EPHB1: variants seen among roughly 807,000 people sequenced by gnomAD.
The protein encoded by EPHB1 is ephrin type-B receptor 1.
Under a neutral mutation model 94.4 loss-of-function variants are expected in EPHB1, and 30 were observed. The observed-to-expected ratio is 0.32, with a 90% CI of 0.24 to 0.43. The LOEUF is 0.43. Among genes scored for constraint, EPHB1 ranks in the 20% least tolerant of loss-of-function variants. The pLI is 1.00. For missense variants in EPHB1, 1,055 were observed against 1,308.3 expected, an observed-to-expected ratio of 0.81 and a Z score of 2.99; for synonymous variants, 522 against 489.1, an observed-to-expected ratio of 1.07 and a Z score of -0.89.
At chr3:134,852,992 C>T (rs1325835872) in intron 1 of EPHB1, among the ~76,000 whole-genome samples, 1 of 152,130 alleles carries the variant, frequency 6.6e-6, no homozygotes, top group Non-Finnish European at 1.5e-5. Context: ...GGTGGGGTCA[C>T]TGCCAGCTCT....
At chr3:134,871,215 A>T (rs1030774978) in intron 1 of EPHB1, among the ~76,000 whole-genome samples, 5 of 152,236 alleles carry the variant, frequency 3.3e-5, no homozygotes, top group African/African-American at 1.2e-4. Context: ...TAATGATTAC[A>T]GCTCAGGACC....
At chr3:135,247,366 T>C (rs1433097595) in intron 13 of EPHB1, among the ~76,000 whole-genome samples, 4 of 152,226 alleles carry the variant, frequency 2.6e-5, no homozygotes, top group Non-Finnish European at 1.5e-5. Flanking sequence ...TCCATCTCAA[T>C]AGATGGATTT....
intron 3 of EPHB1, among the ~76,000 whole-genome samples, chr3:134,996,500 T>C (rs1280878380): frequency 6.6e-6 from 1 of 152,176 alleles, no homozygotes. Flanking sequence ...ATAGATAATA[T>C]TCTTAAGATA....
At chr3:135,248,188 G>A in intron 13 of EPHB1, 128 bp from the exon 14 acceptor site, 1 of 829,788 alleles carries the variant, frequency 1.2e-6, no homozygotes, top group African/African-American at 1.7e-5. Flanking sequence ...AGCGGAAGGT[G>A]TGCAAGCACA....
At chr3:134,962,724 C>T (rs1016278389) in intron 3 of EPHB1, among the ~76,000 whole-genome samples, 6 of 152,136 alleles carry the variant, frequency 3.9e-5, no homozygotes, top group Non-Finnish European at 5.9e-5. Context: ...TCTGGGGCCT[C>T]TAGCCTCAGC....
intron 1 of EPHB1, among the ~76,000 whole-genome samples, chr3:134,863,518 CA>C (rs1280360861): frequency 3.3e-5 from 5 of 152,092 alleles, no homozygotes; most frequent in African/African-American, 1.2e-4. Context: ...CCAACTGGAA[CA>C]AAAGAAGGAA....
intron 3 of EPHB1, among the ~76,000 whole-genome samples, chr3:135,090,499 CTTT>C (rs1312968298): frequency 6.6e-6 from 1 of 152,218 alleles, no homozygotes; most frequent in Non-Finnish European, 1.5e-5. Flanking sequence ...GGTTGTTTCA[CTTT>C]TTAAGAATTG....
intron 3 of EPHB1, among the ~76,000 whole-genome samples, chr3:134,986,779 C>T (rs1297732413): frequency 1.3e-5 from 2 of 151,448 alleles, no homozygotes; most frequent in Non-Finnish European, 2.9e-5. Context: ...TTTTCCATCA[C>T]TGGTGCATCA....
intron 1 of EPHB1, among the ~76,000 whole-genome samples, chr3:134,867,497 C>A (rs1487684075): frequency 3.3e-5 from 5 of 152,166 alleles, no homozygotes; most frequent in Non-Finnish European, 7.4e-5. Flanking sequence ...CAGTGAGCAG[C>A]CCAAGGGCCT....
chr3:134,940,552 G>A (rs939151750), intron 2 of EPHB1, among the ~76,000 whole-genome samples: 4 of 152,102 alleles, frequency 2.6e-5, no homozygotes, highest in Admixed American at 6.6e-5. Flanking sequence ...CTCAGCAATG[G>A]GCCAGGCACC....
At chr3:135,246,535 A>G (rs151013125) in intron 13 of EPHB1, among the ~76,000 whole-genome samples, 473 of 152,322 alleles carry the variant, frequency 3.1e-3, no homozygotes, top group African/African-American at 0.01. Context: ...CTTTTGAAGT[A>G]TTCAAAACTT....
Position 134,925,824 on chromosome 3 carries a change from A to G in EPHB1, c.67A>G (p.Met23Val). 1 of 1,600,434 alleles carries G rather than the reference A, an allele frequency of 6.2e-7. No homozygotes were observed. The highest frequency in any genetic ancestry group is 8.5e-7 in the Non-Finnish European group (1 of 1,172,912). Residue 23 changes from methionine to valine, a missense_variant, in exon 2 of 16, where the codon ATG becomes GTG. Met to Val is a conservative substitution (Grantham distance 21). Coordinates refer to ENST00000398015, the MANE Select transcript of EPHB1 (RefSeq NM_004441.5). Reference protein sequence around the residue: ...SAVAAMEETLMDTRTATAELG... With the variant: ...SAVAAMEETLVDTRTATAELG... ...TTCTTTTTAATCTACAGAAACGTTA[A>G]TGGACACCAGAACGGCTACTGCAGA...
At chr3:134,826,746 A>G (rs2036486139) in intron 1 of EPHB1, among the ~76,000 whole-genome samples, 1 of 152,140 alleles carries the variant, frequency 6.6e-6, no homozygotes, top group African/African-American at 2.4e-5. Context: ...TAGAGCTCAT[A>G]GTTAATTCTT....
intron 3 of EPHB1, among the ~76,000 whole-genome samples, chr3:134,971,197 A>C (rs905666661): frequency 4.6e-5 from 7 of 152,226 alleles, no homozygotes; most frequent in African/African-American, 1.4e-4. Context: ...TCTGAGATGC[A>C]AGCAGCACAA....
chr3:135,059,176 CT>C (rs1308478829), intron 3 of EPHB1, among the ~76,000 whole-genome samples: 1 of 152,300 alleles, frequency 6.6e-6, no homozygotes, highest in East Asian at 1.9e-4. Flanking sequence ...AACTGGGGAA[CT>C]TATGTTCCCC....
intron 3 of EPHB1, among the ~76,000 whole-genome samples, chr3:135,021,672 C>A (rs910223895): frequency 2.0e-5 from 3 of 151,938 alleles, no homozygotes; most frequent in African/African-American, 7.3e-5. Context: ...TTTCTTATTG[C>A]CCTGGTCTGA....
At chr3:134,872,497 A>C (rs1163924885) in intron 1 of EPHB1, among the ~76,000 whole-genome samples, 1 of 152,248 alleles carries the variant, frequency 6.6e-6, no homozygotes, top group East Asian at 1.9e-4. Flanking sequence ...GCTATTTCAC[A>C]TGTAGTGATT....
chr3:135,094,467 C>A (rs1446650667), intron 3 of EPHB1, among the ~76,000 whole-genome samples: 1 of 152,166 alleles, frequency 6.6e-6, no homozygotes, highest in Admixed American at 6.5e-5. Flanking sequence ...GGGCCGTGGA[C>A]AGGAGGGGCC....
chr3:135,024,151 T>C (rs1299855757), intron 3 of EPHB1, among the ~76,000 whole-genome samples: 1 of 152,158 alleles, frequency 6.6e-6, no homozygotes, highest in Non-Finnish European at 1.5e-5. Flanking sequence ...CTCTACCTAG[T>C]CAATTCTGAA....
Sources: allele counts gnomAD v4.1 joint callset (sites outside exome capture counted in the v4.1 genomes callset), GRCh38; gene constraint gnomAD v4.1.1; transcripts MANE v1.5; gene names NCBI Gene and HGNC (gene_info 2026-07-23, HGNC 2026-07-21).